The following PLEC variants were observed in gnomAD, a reference collection of about 807,000 sequenced individuals.
The protein encoded by PLEC is plectin, also known as hemidesmosomal protein 1.
Under a neutral mutation model 392.8 loss-of-function variants are expected in PLEC, and 216 were observed. The observed-to-expected ratio is 0.55, with a 90% CI of 0.49 to 0.62. The LOEUF (loss-of-function observed/expected upper bound fraction) is 0.62, where lower values mean the gene tolerates loss of function less well. Ranked by LOEUF, PLEC falls within the 20% of genes least tolerant of loss-of-function variation. The pLI, the probability that PLEC is intolerant of heterozygous loss-of-function variation, is 0.00. For synonymous variants in PLEC, 3,621 were observed against 2,980.6 expected, an observed-to-expected ratio of 1.21 and a Z score of -7.00; for missense variants, 6,863 against 6,563.4, an observed-to-expected ratio of 1.05 and a Z score of -1.58.
At chr8:143,959,142 C>A (rs1319111977) in intron 1 of PLEC, among the ~76,000 whole-genome samples, 1 of 152,166 alleles carries the variant, frequency 6.6e-6, no homozygotes, top group Admixed American at 6.5e-5. Flanking sequence ...TGAATGCGGA[C>A]GGTGCAGGCG....
upstream of PLEC, among the ~76,000 whole-genome samples, chr8:143,952,875 C>T (rs1181792612): frequency 6.6e-6 from 1 of 152,124 alleles, no homozygotes; most frequent in Admixed American, 6.5e-5. Flanking sequence ...GGAGTCCCCT[C>T]CCTCCCACCA....
Position 143,929,527 on chromosome 8 carries a change from T to C in PLEC, c.2968A>G (p.Lys990Glu), listed in dbSNP as rs1288114075. The change falls in exon 24 of 32, where the codon AAA (lysine) becomes GAA (glutamate). Residue 990 changes from lysine (K) to glutamate (E), a missense_variant. Coordinates refer to ENST00000345136, the MANE Select transcript of PLEC (RefSeq NM_201384.3). ...SRCQRCISEL[K>E]DIRLQLEACE... ...GCCTCCAGCTGCAGCCGGATGTCTTTGAGCTCGGAGATGCAGCGCTGGCAG... is the reference window on the plus strand; with the variant it reads ...GCCTCCAGCTGCAGCCGGATGTCTTCGAGCTCGGAGATGCAGCGCTGGCAG... The C allele has an allele frequency of 4.3e-6, 7 of 1,612,522 alleles. No homozygotes were observed. The highest frequency in any genetic ancestry group is 2.7e-5 in the African/African-American group (2 of 74,918).
chr8:143,974,437 A>C (rs1351355126), upstream of PLEC, among the ~76,000 whole-genome samples: 1 of 152,200 alleles, frequency 6.6e-6, no homozygotes, highest in Non-Finnish European at 1.5e-5. This position sits in a 1 kb window ranked among gnomAD's most constrained non-coding sequence, Gnocchi z 5.9. Flanking sequence ...TGCAGATGGA[A>C]CCAGACCCTG....
rs548780075 is a variant in PLEC, at chr8:143,967,988, T to A, written c.70+5415A>T. Among the ~76,000 whole-genome samples the A allele has an allele frequency of 2.3e-3, 342 of 151,744 alleles. 3 individuals are homozygous for A. The highest frequency in any genetic ancestry group is 7.1e-3 in the African/African-American group (293 of 41,382). On this transcript the variant is annotated intron_variant, in intron 1 of 31. Transcript: ENST00000356346. ...ACTAAAAATACAAAAATTAGCCAGG[T>A]GTGGTGGCGCACACATGTAATCCCA...
At chr8:143,941,909 C>T (rs1830528368), upstream of PLEC, among the ~76,000 whole-genome samples, 1 of 152,198 alleles carries the variant, frequency 6.6e-6, no homozygotes, top group South Asian at 2.1e-4. Flanking sequence ...CAGGCACTGC[C>T]GTGGCCCTCT....
chr8:143,930,916 G>A (rs782683972), intron 19 of PLEC, among the ~76,000 whole-genome samples: 8 of 152,082 alleles, frequency 5.3e-5, no homozygotes, highest in South Asian at 2.1e-4. Flanking sequence ...GGGAGCTGCC[G>A]GCTCTCCCCC....
At chr8:143,952,372 C>G (rs2132758520), upstream of PLEC, among the ~76,000 whole-genome samples, 1 of 152,292 alleles carries the variant, frequency 6.6e-6, no homozygotes, top group Non-Finnish European at 1.5e-5. Flanking sequence ...AGGAAAAGGC[C>G]AGCCTCAGGA....
chr8:143,945,195 A>G, intron 1 of PLEC: 1 of 482,944 alleles, frequency 2.1e-6, no homozygotes, highest in Non-Finnish European at 4.2e-6. Flanking sequence ...CGGGACAGCC[A>G]CCCCAAAGTC....
chr8:143,970,190 G>T (rs946276224), intron 1 of PLEC, among the ~76,000 whole-genome samples: 1 of 152,068 alleles, frequency 6.6e-6, no homozygotes, highest in Non-Finnish European at 1.5e-5. Flanking sequence ...GGCGTAGGGC[G>T]TCATCTGCAG....
Position 143,969,712 on chromosome 8 carries a change from CGGGGAGT to C in PLEC, c.70+3684_70+3690del, listed in dbSNP as rs1365421708. Reference sequence around the variant, plus strand: ...TGGGGGTCAGGGCATGAGTGCAGGCCGGGGAGTGGGGAGTGGGGCCAGCCGGGGGCCT... The same window carrying C: ...TGGGGGTCAGGGCATGAGTGCAGGCCGGGGAGTGGGGCCAGCCGGGGGCCT... On this transcript the variant is annotated intron_variant, in intron 1 of 31. Coordinates refer to the PLEC transcript ENST00000356346. The surrounding 1 kb of genome is among the most constrained non-coding windows in gnomAD (Gnocchi z 5.1). Among the ~76,000 whole-genome samples the C allele has an allele frequency of 6.6e-6, 1 of 151,218 alleles. No individual in the cohort carries two copies. Among genetic ancestry groups the C allele is most frequent in the East Asian group, 1.9e-4 (1 of 5,144 alleles).
At position 143,919,460 on chromosome 8, in the gene PLEC, C is replaced by T; in HGVS notation, c.10361G>A (p.Gly3454Asp). 2 of 1,613,240 alleles carry T rather than the reference C, an allele frequency of 1.2e-6. No individual in the cohort carries two copies. Among genetic ancestry groups the T allele is most frequent in the East Asian group, 2.2e-5 (1 of 44,886 alleles). ...TISLFQAMQKGLVLRQHGIRL... is the reference protein window; with the variant it reads ...TISLFQAMQKDLVLRQHGIRL... The stretch of plus-strand genomic sequence containing the variant: ...GATGCCGTGCTGCCGGAGAACCAGG[C>T]CCTTCTGCATGGCCTGGAAGAGGGA... The change falls in exon 32 of 32, where the codon GGC becomes GAC. Residue 3454 changes from glycine to aspartate, a missense_variant. Physicochemically the swap from Gly to Asp is moderately conservative, Grantham distance 94 (BLOSUM62 -1). Coordinates refer to ENST00000345136, the MANE Select transcript of PLEC (RefSeq NM_201384.3).
chr8:143,962,340 C>T (rs1356713896), intron 1 of PLEC, among the ~76,000 whole-genome samples: 1 of 152,198 alleles, frequency 6.6e-6, no homozygotes, highest in Non-Finnish European at 1.5e-5. Flanking sequence ...CGGGTGCCTT[C>T]GGAGAAAGCG....
In PLEC at chr8:143,927,742, G is replaced by C; in HGVS notation, c.3424C>G (p.Gln1142Glu). 6.3e-7 allele frequency: 1 copy of C among 1,598,132 alleles called. No individual in the cohort carries two copies. The highest frequency in any genetic ancestry group is 1.1e-5 in the South Asian group (1 of 89,138). ...LKKLRAQAEA[Q>E]QPTFDALRDE... ...CGCAGGGCGTCGAACGTGGGCTGCT[G>C]TGCCTCGGCCTGGGCCCGCAGCTTC... is the stretch of plus-strand genomic sequence containing the variant. Residue 1142 changes from glutamine (Q) to glutamate (E), a missense_variant, in exon 27 of 32, where the codon CAG (glutamine) becomes GAG (glutamate). Physicochemically the swap from Gln to Glu is conservative, Grantham distance 29. Coordinates refer to ENST00000345136, the MANE Select transcript of PLEC (RefSeq NM_201384.3).
chr8:143,928,559 A>G (rs1421935462), intron 25 of PLEC, among the ~76,000 whole-genome samples: 1 of 87,332 alleles, frequency 1.1e-5, no homozygotes, highest in Non-Finnish European at 2.2e-5. Flanking sequence ...TGGCGGCCCT[A>G]TCACTGTGCT....
At chr8:143,931,700 C>T (rs1554715672) in intron 18 of PLEC, 41 bp from the exon 19 acceptor site, 3 of 1,580,452 alleles carry the variant, frequency 1.9e-6, no homozygotes, top group Non-Finnish European at 2.6e-6. Context: ...TACCTGGGAC[C>T]AGAGCCCCAG....
Position 143,935,281 on chromosome 8 carries a change from C to A in PLEC, c.635G>T (p.Arg212Leu), listed in dbSNP as rs533217840. 2 of 1,609,164 alleles carry A rather than the reference C, an allele frequency of 1.2e-6. No individual in the cohort carries two copies. Among genetic ancestry groups the A allele is most frequent in the South Asian group, 1.1e-5 (1 of 91,062 alleles). ...PLLIDMNKVY[R>L]QTNLENLDQA... is the part of the protein sequence containing the mutation. Reference sequence around the variant, plus strand: ...GTCCAGGTTCTCCAGGTTGGTCTGCCGGTACACCTTGTTCATGTCGATGAG... The same window carrying A: ...GTCCAGGTTCTCCAGGTTGGTCTGCAGGTACACCTTGTTCATGTCGATGAG... Residue 212 changes from arginine to leucine, a missense_variant, in exon 7 of 32, where the codon CGG becomes CTG. Arg to Leu is a moderately radical substitution (Grantham distance 102). Coordinates refer to ENST00000345136, the MANE Select transcript of PLEC (RefSeq NM_201384.3).
chr8:143,946,121 G>A (rs1157094092), intron 1 of PLEC, among the ~76,000 whole-genome samples: 2 of 152,218 alleles, frequency 1.3e-5, no homozygotes, highest in African/African-American at 2.4e-5. Context: ...AGTGCCCCAG[G>A]CTGGCAGCGG....
chr8:143,963,170 G>A (rs926265249), intron 1 of PLEC, among the ~76,000 whole-genome samples: 3 of 152,214 alleles, frequency 2.0e-5, no homozygotes, highest in African/African-American at 7.2e-5. Context: ...CAGAAACACT[G>A]CCTGCTTGGA....
At position 143,917,022 on chromosome 8, in the gene PLEC, G is replaced by C; in HGVS notation, c.12799C>G (p.Leu4267Val). 1.2e-6 allele frequency: 2 copies of C among 1,612,404 alleles called. No individual in the cohort carries two copies. Among genetic ancestry groups the C allele is most frequent in the South Asian group, 1.1e-5 (1 of 91,082 alleles). ...PISPAVSRTQLASWSDPTEET... is the reference protein window; with the variant it reads ...PISPAVSRTQVASWSDPTEET... ...TCAGTGGGGTCTGACCAGGAGGCCA[G>C]CTGGGTCCTGGAGACGGCGGGGCTG... Residue 4267 changes from leucine to valine, a missense_variant, in exon 32 of 32, where the codon CTG becomes GTG. Coordinates refer to ENST00000345136, the MANE Select transcript of PLEC (RefSeq NM_201384.3).
Sources: allele counts gnomAD v4.1 joint callset (sites outside exome capture counted in the v4.1 genomes callset), GRCh38; gene constraint gnomAD v4.1.1; non-coding constraint Gnocchi (gnomAD v3.1); transcripts MANE v1.5; gene names NCBI Gene and HGNC (gene_info 2026-07-23, HGNC 2026-07-21).